The following MYLK3 variants were observed in gnomAD, a reference collection of about 807,000 sequenced individuals.
The protein encoded by MYLK3 is MLC kinase.
MYLK3 carries 55 observed loss-of-function variants against 76.3 expected under a neutral mutation model. The ratio of observed to expected loss-of-function variants is 0.72; its 90% CI spans 0.58 to 0.90. The LOEUF is 0.90. Among genes scored for constraint, MYLK3 ranks in the 40% least tolerant of loss-of-function variants. MYLK3 has a pLI of 0.00. For missense variants in MYLK3, 973 were observed against 1,053.6 expected, an observed-to-expected ratio of 0.92 and a Z score of 1.06; for synonymous variants, 416 against 425.4, an observed-to-expected ratio of 0.98 and a Z score of 0.27.
upstream of MYLK3, among the ~76,000 whole-genome samples, chr16:46,748,650 C>T (rs1438682750): frequency 1.3e-5 from 2 of 152,164 alleles, no homozygotes; most frequent in Non-Finnish European, 2.9e-5. This position sits in a 1 kb window ranked among gnomAD's most constrained non-coding sequence, Gnocchi z 4.3. Flanking sequence ...TCCTTAGAGG[C>T]CCAGAGCCCT....
chr16:46,747,952 A>G lies in MYLK3; in HGVS notation c.242T>C (p.Val81Ala). 6.2e-7 allele frequency: 1 copy of G among 1,613,014 alleles called. No homozygotes were observed. Residue 81 changes from valine to alanine, a missense_variant, in exon 1 of 13, where the codon GTT (valine) becomes GCT (alanine). Val to Ala is a moderately conservative substitution (Grantham distance 64). Coordinates refer to ENST00000394809, the MANE Select transcript of MYLK3 (RefSeq NM_182493.3). ...RAPGPGGADG[V>A]PHIDTQAGWP... ...CCCAGCCTGGGTGTCAATGTGGGGA[A>G]CCCCATCAGCCCCGCCCGGGCCCGG...
At position 46,732,296 on chromosome 16, in the gene MYLK3, A is replaced by T. The variant is rs1567286946; in HGVS notation, c.1374T>A (p.Pro458=). The T allele has an allele frequency of 1.2e-6, 2 of 1,610,116 alleles. No homozygotes were observed. Among genetic ancestry groups the T allele is most frequent in the Non-Finnish European group, 1.7e-6 (2 of 1,180,008 alleles). The change falls in exon 4 of 13, where the codon CCT becomes CCA. Residue 458 remains proline (P), a synonymous_variant. Transcript: ENST00000394809. The part of the protein sequence containing the change: ...GKSPGAGNPE[P]EQDCAARAPV... ...GAGCCCTGGCTGCACAGTCCTGCTC[A>T]GGCTCAGGGTTTCCCGCCCCTGGGC...
intron 1 of MYLK3, among the ~76,000 whole-genome samples, chr16:46,762,450 A>G (rs1341790546): frequency 6.6e-6 from 1 of 152,228 alleles, no homozygotes; most frequent in Non-Finnish European, 1.5e-5. Flanking sequence ...AGGTTTAACT[A>G]ACCAAGAACA....
intron 2 of MYLK3, among the ~76,000 whole-genome samples, chr16:46,739,841 T>G (rs911646805): frequency 6.6e-6 from 1 of 152,188 alleles, no homozygotes; most frequent in Non-Finnish European, 1.5e-5. Flanking sequence ...AACCCCGAGG[T>G]GTTCAAGGGT....
At position 46,702,323 on chromosome 16, in the gene MYLK3, G is replaced by GT. The variant is rs1275714188; in HGVS notation, c.*5380dup. Among the ~76,000 whole-genome samples the GT allele has an allele frequency of 1.3e-5, 2 of 151,952 alleles. No homozygotes were observed. The highest frequency in any genetic ancestry group is 1.9e-4 in the East Asian group (1 of 5,168). ...CATGGTTTATTTAACTGATTAAAAA[G>GT]TTTTTTTGTCATGAATGTTTTCAAA... On this transcript the variant is annotated 3_prime_UTR_variant, in exon 13 of 13. Coordinates refer to ENST00000394809, the MANE Select transcript of MYLK3 (RefSeq NM_182493.3).
intron 1 of MYLK3, among the ~76,000 whole-genome samples, chr16:46,754,052 T>G (rs540227165): frequency 6.6e-6 from 1 of 152,038 alleles, no homozygotes; most frequent in Non-Finnish European, 1.5e-5. Flanking sequence ...AAAATATGAA[T>G]AGTAAAATTT....
intron 1 of MYLK3, among the ~76,000 whole-genome samples, chr16:46,755,909 T>TC (rs1442495101): frequency 8.7e-4 from 81 of 93,008 alleles, no homozygotes; most frequent in Non-Finnish European, 1.6e-3. Flanking sequence ...TTTCTTTCTT[T>TC]TTTTTTTTTT....
chr16:46,711,570 G>A (rs981061910), intron 10 of MYLK3: 2 of 370,534 alleles, frequency 5.4e-6, no homozygotes, highest in South Asian at 4.1e-5. Flanking sequence ...GAGTGCTATG[G>A]TGCAATCATA....
rs1296111884 is a variant in MYLK3, at chr16:46,705,326, T to TCGAGA, written c.*2373_*2377dup. ...AGGTGGATCATCTGAGGTCAGGAGT[T>TCGAGA]CGAGACCAGCCTGGCCAACATGGCA... On this transcript the variant is annotated 3_prime_UTR_variant, in exon 13 of 13. Coordinates refer to ENST00000394809, the MANE Select transcript of MYLK3 (RefSeq NM_182493.3). 1 of 151,684 alleles carries TCGAGA rather than the reference T, an allele frequency of 6.6e-6. No homozygotes were observed. Among genetic ancestry groups the TCGAGA allele is most frequent in the Non-Finnish European group, 1.5e-5 (1 of 68,040 alleles). The allele number at this position is 151,684 out of a possible 1,614,324, so 9.4% of individuals were successfully genotyped here.
chr16:46,729,479 GA>G, intron 6 of MYLK3, 114 bp downstream of exon 6: 4 of 991,046 alleles, frequency 4.0e-6, no homozygotes, highest in Non-Finnish European at 6.2e-6. Flanking sequence ...GGGAATTCTG[GA>G]AAAGAGCAGG....
rs569088780 is a variant in MYLK3 at position 46,732,442 on chromosome 16, C to T, written c.1228G>A (p.Gly410Arg). 59 of 1,612,784 alleles carry T rather than the reference C, an allele frequency of 3.7e-5. No individual in the cohort carries two copies. Among genetic ancestry groups the T allele is most frequent in the East Asian group, 1.6e-4 (7 of 44,882 alleles). The change falls in exon 4 of 13, where the codon GGG (glycine) becomes AGG (arginine). Residue 410 changes from glycine to arginine, a missense_variant. Transcript: ENST00000394809. ...LSPLQESSSPGGVKAEEEQRA... is the reference protein window; with the variant it reads ...LSPLQESSSPRGVKAEEEQRA... The stretch of plus-strand genomic sequence containing the variant: ...TGCTCCTCCTCTGCCTTCACTCCCC[C>T]GGGGCTGCTGCTCTCCTGCAGCGGG...
At chr16:46,760,947 T>C (rs1967268594) in intron 1 of MYLK3, among the ~76,000 whole-genome samples, 1 of 152,046 alleles carries the variant, frequency 6.6e-6, no homozygotes, top group South Asian at 2.1e-4. Flanking sequence ...CTCCAAGATA[T>C]AAATGGTTGT....
intron 5 of MYLK3, 152 bp downstream of exon 5, chr16:46,730,441 C>T (rs1966850343): frequency 4.6e-6 from 3 of 648,770 alleles, no homozygotes; most frequent in South Asian, 3.5e-5. Context: ...CACCATGCAC[C>T]CCATGCTGTA....
chr16:46,758,305 CTCTCT>C, intron 1 of MYLK3, among the ~76,000 whole-genome samples: 2 of 7,480 alleles, frequency 2.7e-4, no homozygotes, highest in Non-Finnish European at 5.5e-4. Flanking sequence ...CACACACACA[CTCTCT>C]CTCTCTCTCT....
chr16:46,718,949 GA>G (rs1966772399), intron 9 of MYLK3, among the ~76,000 whole-genome samples: 1 of 152,030 alleles, frequency 6.6e-6, no homozygotes, highest in African/African-American at 2.4e-5. Context: ...AAAAAAAGAG[GA>G]AGAAGAAAAC....
chr16:46,738,419 T>C lies in MYLK3; in HGVS notation c.569-276A>G, dbSNP rs185055329. Among the ~76,000 whole-genome samples the C allele has an allele frequency of 4.5e-4, 68 of 152,166 alleles. No homozygotes were observed. In the Middle Eastern group the frequency reaches 0.01, roughly 23 times the overall value. ...CTAAAAATAAACATTTTTAAATGAGTTGGGCATGGTCACATGTGCCTGCAA... is the reference window on the plus strand; with the variant it reads ...CTAAAAATAAACATTTTTAAATGAGCTGGGCATGGTCACATGTGCCTGCAA... On this transcript the variant is annotated intron_variant, in intron 2 of 12. Transcript: ENST00000394809.
chr16:46,757,884 G>A (rs1967220910), intron 1 of MYLK3, among the ~76,000 whole-genome samples: 1 of 152,204 alleles, frequency 6.6e-6, no homozygotes, highest in African/African-American at 2.4e-5. Flanking sequence ...CCGGGTGCAG[G>A]GGCCCTGGGG....
intron 1 of MYLK3, among the ~76,000 whole-genome samples, chr16:46,743,109 C>A (rs1259683904): frequency 6.6e-6 from 1 of 152,200 alleles, no homozygotes; most frequent in Non-Finnish European, 1.5e-5. Context: ...TCCTCACACA[C>A]CATTCTAGAA....
At chr16:46,719,199 C>T (rs1311159361) in intron 9 of MYLK3, among the ~76,000 whole-genome samples, 4 of 152,124 alleles carry the variant, frequency 2.6e-5, no homozygotes, top group Non-Finnish European at 5.9e-5. Flanking sequence ...TGGTGGCGGC[C>T]ACCTGTAATC....
Sources: allele counts gnomAD v4.1 joint callset (sites outside exome capture counted in the v4.1 genomes callset), GRCh38; gene constraint gnomAD v4.1.1; non-coding constraint Gnocchi (gnomAD v3.1); transcripts MANE v1.5; gene names NCBI Gene and HGNC (gene_info 2026-07-23, HGNC 2026-07-21).